The following UNC79 variants were observed in gnomAD, a reference collection of about 807,000 sequenced individuals.
The protein encoded by UNC79 is unc-79 subunit of NALCN channel complex.
In UNC79, 37 loss-of-function variants were observed where a neutral mutation model predicts 283.1. That is an observed-to-expected ratio of 0.13 (90% confidence interval 0.10 to 0.17). The LOEUF is 0.17. UNC79 is among the 10% of genes least tolerant of loss of function. The pLI is 1.00. For missense variants in UNC79, 2,272 were observed against 3,211.1 expected, an observed-to-expected ratio of 0.71 and a Z score of 7.07; for synonymous variants, 1,107 against 1,200.2, an observed-to-expected ratio of 0.92 and a Z score of 1.61.
At chr14:93,622,703 G>A (rs1378593338) in exon 30 of UNC79, 18 of 1,614,204 alleles carry the variant, frequency 1.1e-5, no homozygotes, top group Non-Finnish European at 1.4e-5. Flanking sequence ...AGAGGATGGA[G>A]CTGAGGAATC....
chr14:93,445,785 A>C (rs1481546013), intron 1 of UNC79, among the ~76,000 whole-genome samples: 1 of 152,150 alleles, frequency 6.6e-6, no homozygotes, highest in African/African-American at 2.4e-5. Flanking sequence ...CAGTTTCTTC[A>C]GTTCATAAAG....
intron 29 of UNC79, among the ~76,000 whole-genome samples, chr14:93,619,097 T>TAAA (rs1483570797): frequency 6.6e-6 from 1 of 151,984 alleles, no homozygotes; most frequent in East Asian, 1.9e-4. Flanking sequence ...TCTGTTTTAG[T>TAAA]AGGACTGCTC....
intron 40 of UNC79, among the ~76,000 whole-genome samples, chr14:93,665,662 C>G (rs996713760): frequency 6.6e-6 from 1 of 151,722 alleles, no homozygotes; most frequent in Non-Finnish European, 1.5e-5. Context: ...AAAAGACACT[C>G]TGAAGACAGA....
chr14:93,343,461 C>A (rs555896975), intron 1 of UNC79, among the ~76,000 whole-genome samples: 1 of 152,150 alleles, frequency 6.6e-6, no homozygotes, highest in African/African-American at 2.4e-5. Context: ...CTGAGTATCT[C>A]GATCATTGAG....
intron 38 of UNC79, among the ~76,000 whole-genome samples, chr14:93,658,193 C>A (rs2071159390): frequency 6.6e-6 from 1 of 152,182 alleles, no homozygotes; most frequent in Non-Finnish European, 1.5e-5. Context: ...TGTTTTTAAT[C>A]TCTGGGGAAA....
At chr14:93,507,398 T>C (rs1417666456) in intron 7 of UNC79, among the ~76,000 whole-genome samples, 1 of 152,212 alleles carries the variant, frequency 6.6e-6, no homozygotes, top group Middle Eastern at 3.2e-3. Context: ...CTTGCAATTG[T>C]CTGTGTTTTT....
intron 8 of UNC79, among the ~76,000 whole-genome samples, chr14:93,524,315 A>G (rs1483233571): frequency 3.9e-5 from 6 of 152,360 alleles, no homozygotes; most frequent in South Asian, 2.1e-4. Context: ...AAATGCTTAC[A>G]TGGTCCTTAA....
chr14:93,646,737 C>G, intron 35 of UNC79, 91 bp downstream of exon 38: 1 of 1,407,100 alleles, frequency 7.1e-7, no homozygotes, highest in Non-Finnish European at 9.9e-7. Flanking sequence ...GGGCTGGGTG[C>G]AGTGGCTCGC....
At chr14:93,444,105 C>T (rs890171668) in intron 1 of UNC79, among the ~76,000 whole-genome samples, 1 of 152,218 alleles carries the variant, frequency 6.6e-6, no homozygotes, top group Non-Finnish European at 1.5e-5. Flanking sequence ...TCTTCATCAA[C>T]ACTTGGTATT....
chr14:93,673,505 T>C, intron 41 of UNC79, 50 bp downstream of exon 44: 2 of 1,544,530 alleles, frequency 1.3e-6, no homozygotes, highest in South Asian at 1.1e-5. Flanking sequence ...CATGTATGTT[T>C]GGGAAAATTA....
At chr14:93,357,419 C>T (rs1328341992) in intron 1 of UNC79, among the ~76,000 whole-genome samples, 1 of 151,740 alleles carries the variant, frequency 6.6e-6, no homozygotes, top group African/African-American at 2.4e-5. Context: ...GCAAACCCAC[C>T]CTCGATCTGG....
At chr14:93,393,372 G>A (rs1013471256) in intron 1 of UNC79, among the ~76,000 whole-genome samples, 1 of 152,080 alleles carries the variant, frequency 6.6e-6, no homozygotes, top group Non-Finnish European at 1.5e-5. Context: ...TCAGAAGCTG[G>A]TCCTTATATT....
At position 93,660,630 on chromosome 14, in the gene UNC79, C is replaced by G. The variant is rs1162872377; in HGVS notation, c.6525+1369C>G. Among the ~76,000 whole-genome samples the G allele has an allele frequency of 5.4e-5, 8 of 148,634 alleles. No individual in the cohort carries two copies. The Admixed American group carries it at 5.4e-4, about 10-fold the overall frequency. ...TTTGAGACAGAGTCTCGCTCTGTCA[C>G]CCAGGCTGGAGTGCAGTGATGCCAA... On this transcript the variant is annotated intron_variant, in intron 39 of 48. Coordinates refer to ENST00000555664, the Ensembl canonical transcript of UNC79.
intron 1 of UNC79, chr14:93,437,649 C>T (rs183783915): frequency 2.6e-5 from 4 of 152,418 alleles, no homozygotes; most frequent in Non-Finnish European, 4.4e-5. Flanking sequence ...GAAATCAAAG[C>T]GTTGGCAGGG....
chr14:93,612,366 C>T (rs1418945100), intron 26 of UNC79, among the ~76,000 whole-genome samples: 1 of 152,156 alleles, frequency 6.6e-6, no homozygotes, highest in Non-Finnish European at 1.5e-5. Context: ...TGGTTTTGCC[C>T]TCAGTGGATT....
At chr14:93,419,072 C>T (rs867600580) in intron 1 of UNC79, among the ~76,000 whole-genome samples, 1 of 151,554 alleles carries the variant, frequency 6.6e-6, no homozygotes, top group African/African-American at 2.4e-5. Flanking sequence ...GAGATGAACC[C>T]GGTACCTCAG....
intron 14 of UNC79, among the ~76,000 whole-genome samples, chr14:93,544,144 T>C (rs1408833334): frequency 6.6e-6 from 1 of 152,232 alleles, no homozygotes; most frequent in African/African-American, 2.4e-5. Flanking sequence ...AGAAAAACTT[T>C]TCTTATTCCA....
chr14:93,665,135 T>C (rs1437644178), intron 40 of UNC79, among the ~76,000 whole-genome samples: 1 of 149,142 alleles, frequency 6.7e-6, no homozygotes, highest in Non-Finnish European at 1.5e-5. Flanking sequence ...TATTATAAAA[T>C]ATAATAAAAA....
At chr14:93,645,785 A>AT (rs1341048523) in intron 34 of UNC79, among the ~76,000 whole-genome samples, 1 of 152,106 alleles carries the variant, frequency 6.6e-6, no homozygotes, top group South Asian at 2.1e-4. Flanking sequence ...ATGTTTATCT[A>AT]TTTTTTGTAG....
Sources: allele counts gnomAD v4.1 joint callset (sites outside exome capture counted in the v4.1 genomes callset), GRCh38; gene constraint gnomAD v4.1.1; transcripts MANE v1.5; gene names NCBI Gene and HGNC (gene_info 2026-07-23, HGNC 2026-07-21).